Variants in POGZ observed in about 807,000 individuals in gnomAD.
The protein encoded by POGZ is pogo transposable element with ZNF domain.
A neutral mutation model predicts 134.6 loss-of-function variants in POGZ; 17 were observed. That is an observed-to-expected ratio of 0.13 (90% CI 0.09 to 0.19). The LOEUF is 0.19. POGZ is among the 10% of genes least tolerant of loss of function. POGZ has a pLI of 1.00. For missense variants in POGZ, 1,306 were observed against 1,769.7 expected (o/e 0.74, Z 4.70); for synonymous variants, 693 against 657.1 (o/e 1.05, Z -0.84).
intron 4 of POGZ, among the ~76,000 whole-genome samples, chr1:151,430,348 G>A (rs1658491671): frequency 6.6e-6 from 1 of 152,186 alleles, no homozygotes; most frequent in South Asian, 2.1e-4. Context: ...GTGAAGAGGA[G>A]CAGTCCACGC....
intron 5 of POGZ, 135 bp downstream of exon 5, chr1:151,429,468 G>A (rs1571463231): frequency 6.7e-6 from 3 of 444,492 alleles, no homozygotes; most frequent in Non-Finnish European, 1.2e-5. Flanking sequence ...TTAAAATTGG[G>A]CTTAAATCAT....
chr1:151,434,837 C>T (rs115799944), intron 3 of POGZ, among the ~76,000 whole-genome samples: 3,151 of 152,040 alleles, frequency 0.021, 102 homozygotes, highest in African/African-American at 0.072. Flanking sequence ...CCACCTTGCA[C>T]ATAAATCAAA....
At chr1:151,443,335 G>A (rs1660819173) in intron 1 of POGZ, among the ~76,000 whole-genome samples, 2 of 151,884 alleles carry the variant, frequency 1.3e-5, no homozygotes, top group South Asian at 4.1e-4. Flanking sequence ...AATCCTGGAG[G>A]CCATTCCACT....
chr1:151,404,926 C>G lies in POGZ; in HGVS notation c.4109G>C (p.Arg1370Pro). The change falls in exon 19 of 19, where the codon CGA becomes CCA. Residue 1370 changes from arginine to proline, a missense_variant. Around this residue, in one of 10 missense-constraint regions of POGZ, gnomAD observed 107 missense variants for 97.9 expected, o/e 1.09. Transcript: ENST00000271715. Reference protein sequence around the residue: ...SGEHSESSTPRPRSSPEETIE... With the variant: ...SGEHSESSTPPPRSSPEETIE... Reference sequence around the variant, plus strand: ...TGTCTCTTCAGGAGATGATCTGGGTCGTGGAGTGGAAGACTCAGAATGTTC... The same window carrying G: ...TGTCTCTTCAGGAGATGATCTGGGTGGTGGAGTGGAAGACTCAGAATGTTC... 6.2e-7 allele frequency: 1 copy of G among 1,614,158 alleles called. No homozygotes were observed. Among genetic ancestry groups the G allele is most frequent in the Non-Finnish European group, 8.5e-7 (1 of 1,180,046 alleles).
At chr1:151,436,614 TG>T (rs2102339832) in intron 3 of POGZ, among the ~76,000 whole-genome samples, 1 of 152,334 alleles carries the variant, frequency 6.6e-6, no homozygotes, top group South Asian at 2.1e-4. Flanking sequence ...TGGCTAATTT[TG>T]TATGTCTGGC....
intron 10 of POGZ, among the ~76,000 whole-genome samples, chr1:151,420,676 G>A (rs1278630014): frequency 1.3e-5 from 2 of 152,084 alleles, no homozygotes; most frequent in South Asian, 2.1e-4. Flanking sequence ...CTAATATGGT[G>A]GCACCAGCAA....
rs546914556 is a variant in POGZ at position 151,458,578 on chromosome 1, G to A, written c.-2+574C>T. 9.2e-4 allele frequency among the ~76,000 whole-genome samples: 138 copies of A among 150,434 alleles called. No homozygotes were observed. In the Middle Eastern group the frequency reaches 0.017, roughly 19 times the overall value. ...GCGGGAATGGGGCGGGGAGGGCCGC[G>A]CACCCCCACCCCCAGGGGCCGCTCC... On this transcript the variant is annotated intron_variant, in intron 1 of 18. Transcript: ENST00000271715.
chr1:151,458,710 G>A (rs931931575), intron 1 of POGZ, among the ~76,000 whole-genome samples: 1 of 142,488 alleles, frequency 7.0e-6, no homozygotes, highest in Non-Finnish European at 1.5e-5. Context: ...CCCTTCCCCA[G>A]CGGGCCACCG....
At chr1:151,457,337 G>A (rs912817036) in intron 1 of POGZ, among the ~76,000 whole-genome samples, 1 of 152,132 alleles carries the variant, frequency 6.6e-6, no homozygotes, top group Non-Finnish European at 1.5e-5. Context: ...TCAATGTAGT[G>A]GTTACATTAA....
At chr1:151,445,063 TAAA>T (rs990324651) in intron 1 of POGZ, among the ~76,000 whole-genome samples, 1 of 151,016 alleles carries the variant, frequency 6.6e-6, no homozygotes, top group Admixed American at 6.6e-5. Context: ...CAAAATAAAA[TAAA>T]AAACAAATGG....
Position 151,403,412 on chromosome 1 carries a change from C to G in POGZ, c.*1390G>C, listed in dbSNP as rs560453105. On this transcript the variant is annotated 3_prime_UTR_variant, in exon 19 of 19. Coordinates refer to ENST00000271715, the MANE Select transcript of POGZ (RefSeq NM_015100.4). ...ACTTATGTACATTTTAAAGACGAAC[C>G]ATTTACAAGCTTGTGCAGTTTGCCT... 1.5e-5 allele frequency: 15 copies of G among 985,258 alleles called. No individual in the cohort carries two copies. Among genetic ancestry groups the G allele is most frequent in the Middle Eastern group, 5.2e-4 (1 of 1,914 alleles). 61.0% of individuals were successfully genotyped at this position (985,258 alleles called of 1,614,324 possible).
intron 1 of POGZ, among the ~76,000 whole-genome samples, chr1:151,445,526 A>C (rs1233257712): frequency 6.6e-6 from 1 of 151,438 alleles, no homozygotes; most frequent in African/African-American, 2.4e-5. Context: ...CTGTCTCAAA[A>C]AAAAAAAAAA....
chr1:151,438,849 C>T (rs1052780755), intron 3 of POGZ, among the ~76,000 whole-genome samples: 12 of 151,244 alleles, frequency 7.9e-5, no homozygotes, highest in Non-Finnish European at 1.2e-4. Context: ...TGCACTCCAG[C>T]GTGGGTGACA....
rs762814745 is a variant in POGZ at position 151,424,001 on chromosome 1, C to T, written c.1471G>A (p.Ala491Thr). 6.8e-6 allele frequency: 11 copies of T among 1,614,002 alleles called. No individual in the cohort carries two copies. Among genetic ancestry groups the T allele is most frequent in the Admixed American group, 3.3e-5 (2 of 59,996 alleles). The change falls in exon 9 of 19, where the codon GCC (alanine) becomes ACC (threonine). Residue 491 changes from alanine to threonine, a missense_variant. Around this residue, in one of 10 missense-constraint regions of POGZ, gnomAD observed 541 missense variants for 680.5 expected, o/e 0.80. Coordinates refer to ENST00000271715, the MANE Select transcript of POGZ (RefSeq NM_015100.4). Reference sequence around the variant, plus strand: ...CAATGTGGGCATCGGAAAGATGTGGCGACCTTAGGGAAATTTGTGAGCTGG... The same window carrying T: ...CAATGTGGGCATCGGAAAGATGTGGTGACCTTAGGGAAATTTGTGAGCTGG... ...VAQLTNFPKV[A>T]TSFRCPHCTK... is the part of the protein sequence containing the mutation.
rs781675177 is a variant in POGZ, at chr1:151,405,031, T to C, written c.4004A>G (p.Asn1335Ser). The change falls in exon 19 of 19, where the codon AAC becomes AGC. Residue 1335 changes from asparagine (N) to serine (S), a missense_variant. Coordinates refer to ENST00000271715, the MANE Select transcript of POGZ (RefSeq NM_015100.4). This position sits in a 1 kb window ranked among gnomAD's most constrained non-coding sequence, Gnocchi z 4.9. ...VASVLPGPDGNINSPTRNADM... is the reference protein window; with the variant it reads ...VASVLPGPDGSINSPTRNADM... ...AGCATTTCTTGTAGGTGAGTTAATG[T>C]TGCCATCGGGGCCAGGCAGAACACT... The C allele has an allele frequency of 1.2e-6, 2 of 1,614,176 alleles. No homozygotes were observed. The highest frequency in any genetic ancestry group is 2.2e-5 in the South Asian group (2 of 91,082).
chr1:151,406,520 G>T, intron 18 of POGZ, 56 bp from the exon 19 acceptor site: 2 of 1,550,048 alleles, frequency 1.3e-6, no homozygotes, highest in South Asian at 2.5e-5. Context: ...CTAGGAAATT[G>T]AAACAATAAT....
rs188661644 is a variant in POGZ, at chr1:151,425,697, C to T, written c.1079-636G>A. Among the ~76,000 whole-genome samples the T allele has an allele frequency of 4.2e-4, 64 of 152,312 alleles. No individual in the cohort carries two copies. In the East Asian group the frequency reaches 8.9e-3, roughly 21 times the overall value. ...CACATGTTGTAGCAGAATTTCCTTTCTTAAGCCTGAACAATATACCATTGT... is the reference window on the plus strand; with the variant it reads ...CACATGTTGTAGCAGAATTTCCTTTTTTAAGCCTGAACAATATACCATTGT... On this transcript the variant is annotated intron_variant, in intron 7 of 18. Coordinates refer to ENST00000271715, the MANE Select transcript of POGZ (RefSeq NM_015100.4).
At chr1:151,412,815 T>C (rs1232852665) in intron 10 of POGZ, among the ~76,000 whole-genome samples, 1 of 152,126 alleles carries the variant, frequency 6.6e-6, no homozygotes, top group East Asian at 1.9e-4. Flanking sequence ...CACTTCTCTA[T>C]ACTTATAATA....
intron 1 of POGZ, 191 bp from the exon 2 acceptor site, chr1:151,442,396 C>T (rs1203923523): frequency 4.7e-6 from 2 of 429,704 alleles, no homozygotes; most frequent in African/African-American, 4.1e-5. Context: ...AGAATCCATT[C>T]CACAGCAAAT....
Sources: gnomAD v4.1 joint callset for allele counts (sites outside exome capture counted in the v4.1 genomes callset) on GRCh38, gnomAD v4.1.1 for gene constraint, gnomAD v4.1.1 regional missense constraint, Gnocchi (gnomAD v3.1) non-coding constraint, MANE v1.5 for transcripts, NCBI Gene and HGNC (gene_info 2026-07-23, HGNC 2026-07-21) for gene names.